Variants in RANBP2 observed in about 807,000 individuals in gnomAD.
RANBP2 encodes E3 SUMO-protein ligase RanBP2.
Under a neutral mutation model 303.6 loss-of-function variants are expected in RANBP2, and 57 were observed. The observed-to-expected ratio is 0.19, with a 90% confidence interval of 0.15 to 0.23. The LOEUF (loss-of-function observed/expected upper bound fraction) is 0.23. Among genes scored for constraint, RANBP2 ranks in the 10% least tolerant of loss-of-function variants. The probability of loss-of-function intolerance (pLI) is 1.00; values close to 1 mark genes in which losing one functional copy is unlikely to be tolerated. For synonymous variants in RANBP2, 1,167 were observed against 1,301.5 expected (o/e 0.90, Z 2.23); for missense variants, 3,138 against 3,780.8 (o/e 0.83, Z 4.46).
the RANBP2 span, among the ~76,000 whole-genome samples, chr2:109,710,826 C>G: frequency 3.3e-5 from 5 of 152,118 alleles, no homozygotes; most frequent in Middle Eastern, 3.2e-3. Flanking sequence ...TTAGCTGTGT[C>G]AAGTCAGCAG....
chr2:109,430,071 T>C, the RANBP2 span, among the ~76,000 whole-genome samples: 2 of 152,182 alleles, frequency 1.3e-5, no homozygotes, highest in African/African-American at 4.8e-5. Flanking sequence ...GGTCAGCAGC[T>C]AGGGCGTGTT....
At chr2:109,557,851 CTTT>C in the RANBP2 span, among the ~76,000 whole-genome samples, 1 of 140,770 alleles carries the variant, frequency 7.1e-6, no homozygotes. Context: ...TCATAATTTT[CTTT>C]TTTTTTTTTT....
chr2:108,832,344 C>A, the RANBP2 span, among the ~76,000 whole-genome samples: 1 of 122,238 alleles, frequency 8.2e-6, no homozygotes, highest in African/African-American at 3.3e-5. Flanking sequence ...GTATTTCTTT[C>A]TTTTTTTTTT....
chr2:109,237,418 T>C, the RANBP2 span, among the ~76,000 whole-genome samples: 1 of 152,292 alleles, frequency 6.6e-6, no homozygotes, highest in East Asian at 1.9e-4. Context: ...AACAAGTCTA[T>C]GGAGAAGGTT....
chr2:108,982,696 C>T, the RANBP2 span, among the ~76,000 whole-genome samples: 1 of 152,234 alleles, frequency 6.6e-6, no homozygotes, highest in African/African-American at 2.4e-5. Context: ...TGGAAACCAA[C>T]TGGCAGTAAT....
At chr2:109,077,553 T>C in the RANBP2 span, among the ~76,000 whole-genome samples, 18 of 150,474 alleles carry the variant, frequency 1.2e-4, 1 homozygote, top group Admixed American at 2.6e-4. Context: ...ATACAACCCA[T>C]ATATCTGATA....
At chr2:109,495,767 AG>A in the RANBP2 span, among the ~76,000 whole-genome samples, 3 of 152,138 alleles carry the variant, frequency 2.0e-5, no homozygotes, top group Non-Finnish European at 4.4e-5. Context: ...GCTGGGCGTG[AG>A]GCGTGAGCCA....
chr2:109,433,519 A>T, the RANBP2 span, among the ~76,000 whole-genome samples: 1 of 152,178 alleles, frequency 6.6e-6, no homozygotes, highest in African/African-American at 2.4e-5. Flanking sequence ...CCCTGTGTTG[A>T]CACTGCAGGA....
the RANBP2 span, among the ~76,000 whole-genome samples, chr2:109,209,060 A>G: frequency 0.74 from 112,324 of 152,146 alleles, 42,030 homozygotes; most frequent in East Asian, 0.89. Context: ...ACCCACACCA[A>G]CTTTCCGTGG....
At chr2:109,515,770 G>A in the RANBP2 span, among the ~76,000 whole-genome samples, 2 of 152,160 alleles carry the variant, frequency 1.3e-5, no homozygotes, top group East Asian at 1.9e-4. Flanking sequence ...GTGAGGCCTC[G>A]GGAGGCAAAA....
chr2:109,268,279 C>G, the RANBP2 span, among the ~76,000 whole-genome samples: 1 of 151,934 alleles, frequency 6.6e-6, no homozygotes, highest in Admixed American at 6.6e-5. Flanking sequence ...GCGGCCCCTT[C>G]TCTGGGCTCC....
At chr2:109,030,593 A>G in the RANBP2 span, among the ~76,000 whole-genome samples, 1 of 152,174 alleles carries the variant, frequency 6.6e-6, no homozygotes, top group Non-Finnish European at 1.5e-5. Flanking sequence ...CTCTTTGAGG[A>G]TGACCAGCAG....
chr2:109,252,921 G>GT, the RANBP2 span, among the ~76,000 whole-genome samples: 1 of 152,220 alleles, frequency 6.6e-6, no homozygotes, highest in East Asian at 1.9e-4. Flanking sequence ...TCAGCCCATC[G>GT]TAAGTAGGGG....
At chr2:109,634,441 C>T in the RANBP2 span, among the ~76,000 whole-genome samples, 1 of 152,110 alleles carries the variant, frequency 6.6e-6, no homozygotes, top group South Asian at 2.1e-4. Context: ...GCCAGGAGGC[C>T]AGGGAATGAG....
chr2:109,198,888 A>G, the RANBP2 span, among the ~76,000 whole-genome samples: 2 of 152,224 alleles, frequency 1.3e-5, no homozygotes, highest in Non-Finnish European at 2.9e-5. Flanking sequence ...CAGTTGAGAC[A>G]TAGTGGCAAA....
chr2:109,117,581 G>A, the RANBP2 span, among the ~76,000 whole-genome samples: 30 of 152,356 alleles, frequency 2.0e-4, no homozygotes, highest in East Asian at 1.2e-3. Context: ...GACCCCTTGC[G>A]CTTCCCGAGG....
At chr2:109,670,434 T>G in the RANBP2 span, among the ~76,000 whole-genome samples, 6 of 150,726 alleles carry the variant, frequency 4.0e-5, no homozygotes, top group African/African-American at 1.5e-4. Flanking sequence ...GGGGAGTGGA[T>G]TGGGTGCGAT....
At chr2:108,819,949 G>C in the RANBP2 span, among the ~76,000 whole-genome samples, 1 of 152,148 alleles carries the variant, frequency 6.6e-6, no homozygotes, top group Non-Finnish European at 1.5e-5. Flanking sequence ...GCAAAGTCAG[G>C]AAAATGATGC....
the RANBP2 span, among the ~76,000 whole-genome samples, chr2:109,135,728 C>T: frequency 3.3e-5 from 5 of 152,044 alleles, no homozygotes; most frequent in Admixed American, 1.3e-4. Flanking sequence ...TCAGTCAGTC[C>T]ATGTTGTGGA....
Sources: gnomAD v4.1 joint callset for allele counts (sites outside exome capture counted in the v4.1 genomes callset) on GRCh38, gnomAD v4.1.1 for gene constraint, MANE v1.5 for transcripts, NCBI Gene and HGNC (gene_info 2026-07-23, HGNC 2026-07-21) for gene names.